The following MARCHF1 variants were observed in gnomAD, a reference collection of about 807,000 sequenced individuals.
MARCHF1 encodes membrane associated ring-CH-type finger 1, also known as E3 ubiquitin-protein ligase MARCHF1.
MARCHF1 carries 40 observed loss-of-function variants against 54.2 expected under a neutral mutation model. The ratio of observed to expected loss-of-function variants is 0.74; its 90% CI spans 0.57 to 0.96. MARCHF1 has a LOEUF of 0.96. Ranked by LOEUF, MARCHF1 falls within the 40% of genes least tolerant of loss-of-function variation. MARCHF1 has a pLI of 0.00. For missense variants in MARCHF1, 586 were observed against 656.5 expected (o/e 0.89, Z 1.17); for synonymous variants, 236 against 236.3 (o/e 1.00, Z 0.01).
intron 4 of MARCHF1, among the ~76,000 whole-genome samples, chr4:163,767,488 C>G (rs1000802137): frequency 6.6e-6 from 1 of 151,904 alleles, no homozygotes; most frequent in African/African-American, 2.4e-5. Context: ...CGCCCGCCAC[C>G]ACACCCAGCT....
At chr4:163,762,219 C>T (rs1392880623) in intron 4 of MARCHF1, among the ~76,000 whole-genome samples, 1 of 152,078 alleles carries the variant, frequency 6.6e-6, no homozygotes, top group Non-Finnish European at 1.5e-5. Context: ...TCAATTTATT[C>T]ATTATTTTAT....
At chr4:164,056,308 A>C (rs1754488948) in intron 2 of MARCHF1, among the ~76,000 whole-genome samples, 1 of 152,146 alleles carries the variant, frequency 6.6e-6, no homozygotes, top group Non-Finnish European at 1.5e-5. Context: ...TTAACTGAAC[A>C]CTGAAAGGTG....
chr4:164,071,250 G>A lies in MARCHF1; in HGVS notation c.-248+40338C>T, dbSNP rs560530643. Among the ~76,000 whole-genome samples, 112 of 152,030 alleles carry A rather than the reference G, an allele frequency of 7.4e-4. 1 individual carries two copies. Among genetic ancestry groups the A allele is most frequent in the African/African-American group, 2.3e-3 (97 of 41,472 alleles). ...TGTTCAATTGTATATGGTAATTTTCGTTTACAAAAACCATGACAGTATTCT... is the reference window on the plus strand; with the variant it reads ...TGTTCAATTGTATATGGTAATTTTCATTTACAAAAACCATGACAGTATTCT... On this transcript the variant is annotated intron_variant, in intron 2 of 9. Transcript: ENST00000514618.
intron 1 of MARCHF1, among the ~76,000 whole-genome samples, chr4:164,240,119 TAA>T (rs748938808): frequency 5.3e-5 from 8 of 152,190 alleles, no homozygotes; most frequent in Non-Finnish European, 8.8e-5. Context: ...AAGGGACATG[TAA>T]ATAAGAACCA....
At chr4:164,047,229 GCAAGAAAAAAGGCACTT>G (rs36227186) in intron 2 of MARCHF1, among the ~76,000 whole-genome samples, 60,301 of 150,098 alleles carry the variant, frequency 0.4, 13,595 homozygotes, top group African/African-American at 0.58. Context: ...CTGACAAGCA[GCAAGAAAAAAGGCACTT>G]CAAGAAAAAA....
rs896726879 is a variant in MARCHF1, at chr4:164,102,567, G to T, written c.-248+9021C>A. On this transcript the variant is annotated intron_variant, in intron 2 of 9. Coordinates refer to ENST00000514618, the MANE Select transcript of MARCHF1 (RefSeq NM_001394959.1). ...TCCTTTACAGACAAGCAAATGCTGA[G>T]AGATTTTGTCACCACCAGGCCTGCC... Among the ~76,000 whole-genome samples, 75 of 150,674 alleles carry T rather than the reference G, an allele frequency of 5.0e-4. No individual in the cohort carries two copies. In the East Asian group the frequency reaches 0.012, roughly 23 times the overall value.
intron 5 of MARCHF1, among the ~76,000 whole-genome samples, chr4:163,631,738 G>C (rs1387603023): frequency 1.3e-5 from 2 of 152,152 alleles, no homozygotes; most frequent in African/African-American, 4.8e-5. Flanking sequence ...GGGAAAAACT[G>C]TATGACATTG....
chr4:164,090,392 T>C (rs1428995121), intron 2 of MARCHF1, among the ~76,000 whole-genome samples: 1 of 152,064 alleles, frequency 6.6e-6, no homozygotes, highest in East Asian at 1.9e-4. Context: ...AAAATAGAGA[T>C]TCCTAAAAAT....
chr4:164,331,071 T>C (rs146115586), intron 1 of MARCHF1, among the ~76,000 whole-genome samples: 1 of 152,220 alleles, frequency 6.6e-6, no homozygotes, highest in African/African-American at 2.4e-5. Flanking sequence ...TGAAAAGTTT[T>C]CAAGTAATTT....
intron 1 of MARCHF1, among the ~76,000 whole-genome samples, chr4:164,169,178 T>C (rs1023297525): frequency 6.6e-6 from 1 of 152,116 alleles, no homozygotes; most frequent in African/African-American, 2.4e-5. Context: ...TATCATCATA[T>C]TGTAAACCTC....
chr4:163,556,844 T>G (rs1739308367), intron 8 of MARCHF1, among the ~76,000 whole-genome samples: 2 of 152,074 alleles, frequency 1.3e-5, no homozygotes, highest in Non-Finnish European at 2.9e-5. Context: ...GGCACCATAC[T>G]GACTCAGCGT....
chr4:163,631,680 A>G (rs1035105299), intron 5 of MARCHF1, among the ~76,000 whole-genome samples: 7 of 152,258 alleles, frequency 4.6e-5, no homozygotes, highest in African/African-American at 1.4e-4. Flanking sequence ...AATACAAGAT[A>G]AAGTTTAATT....
At chr4:163,786,078 G>A (rs1447448927) in intron 4 of MARCHF1, among the ~76,000 whole-genome samples, 3 of 151,930 alleles carry the variant, frequency 2.0e-5, no homozygotes, top group Non-Finnish European at 4.4e-5. Flanking sequence ...GCCGGGAAAT[G>A]AGCTCTCCCT....
intron 1 of MARCHF1, among the ~76,000 whole-genome samples, chr4:164,281,558 G>A (rs573371988): frequency 6.6e-6 from 1 of 152,224 alleles, no homozygotes; most frequent in East Asian, 1.9e-4. Flanking sequence ...TTATCAAGTA[G>A]GAGAAAAACA....
At chr4:164,244,317 G>A (rs994056738) in intron 1 of MARCHF1, among the ~76,000 whole-genome samples, 31 of 152,056 alleles carry the variant, frequency 2.0e-4, no homozygotes, top group African/African-American at 5.8e-4. Flanking sequence ...TCAAAACTGC[G>A]CAACTACATG....
At chr4:164,374,299 TTTAAA>T (rs1406930135) in intron 1 of MARCHF1, among the ~76,000 whole-genome samples, 6 of 152,160 alleles carry the variant, frequency 3.9e-5, no homozygotes, top group African/African-American at 1.4e-4. Flanking sequence ...TAATTATTAA[TTTAAA>T]TTGTTATTAT....
chr4:163,805,709 T>C (rs1449986978), intron 4 of MARCHF1, among the ~76,000 whole-genome samples: 2 of 152,182 alleles, frequency 1.3e-5, no homozygotes, highest in African/African-American at 4.8e-5. Context: ...TATTGCCTCT[T>C]TAAAAATGCA....
intron 3 of MARCHF1, among the ~76,000 whole-genome samples, chr4:163,919,082 T>C (rs9993809): frequency 0.25 from 38,025 of 152,098 alleles, 6,190 homozygotes; most frequent in African/African-American, 0.46. Context: ...TATATTGACA[T>C]ACAATCTATG....
At chr4:164,144,734 T>G (rs1312884826) in intron 1 of MARCHF1, among the ~76,000 whole-genome samples, 3 of 121,820 alleles carry the variant, frequency 2.5e-5, no homozygotes, top group East Asian at 4.3e-4. Flanking sequence ...GATCCAAAAT[T>G]GACACCCTAA....
Sources: gnomAD v4.1 joint callset for allele counts (sites outside exome capture counted in the v4.1 genomes callset) on GRCh38, gnomAD v4.1.1 for gene constraint, MANE v1.5 for transcripts, NCBI Gene and HGNC (gene_info 2026-07-23, HGNC 2026-07-21) for gene names.